Variants in MYO18B observed in about 807,000 individuals in gnomAD.
MYO18B encodes the protein myosin XVIIIB.
In MYO18B, 204 loss-of-function variants were observed where a neutral mutation model predicts 273.0. That is an observed-to-expected ratio of 0.75 (90% CI 0.67 to 0.84). The LOEUF (loss-of-function observed/expected upper bound fraction) is 0.84. Ranked by LOEUF, MYO18B falls within the 40% of genes least tolerant of loss-of-function variation. The pLI, the probability that MYO18B is intolerant of heterozygous loss-of-function variation, is 0.00. For synonymous variants in MYO18B, 1,330 were observed against 1,305.7 expected, an observed-to-expected ratio of 1.02 and a Z score of -0.40; for missense variants, 3,212 against 3,287.6, an observed-to-expected ratio of 0.98 and a Z score of 0.56.
chr22:25,770,751 G>C lies in MYO18B; in HGVS notation c.1580-121G>C, dbSNP rs960572860. ...GACCCCAAATGGAGACCTGTCCCAA[G>C]CCTTCTCCCAAGCTTGCTGGCCCGG... is the stretch of plus-strand genomic sequence containing the variant. On this transcript the variant is annotated intron_variant, in intron 5 of 43. Coordinates refer to ENST00000335473, the MANE Select transcript of MYO18B (RefSeq NM_032608.7). 1.2e-5 allele frequency: 8 copies of C among 689,768 alleles called. No individual in the cohort carries two copies. The African/African-American group carries it at 1.2e-4, about 11-fold the overall frequency. The allele number at this position is 689,768 out of a possible 1,614,324, so 42.7% of individuals were successfully genotyped here.
chr22:26,060,729 T>C, the MYO18B span, among the ~76,000 whole-genome samples: 6 of 151,892 alleles, frequency 4.0e-5, no homozygotes, highest in Admixed American at 1.3e-4. Flanking sequence ...CATATACACA[T>C]GCACACATAT....
intron 40 of MYO18B, among the ~76,000 whole-genome samples, chr22:25,998,622 G>A (rs569378355): frequency 1.3e-5 from 2 of 152,332 alleles, no homozygotes; most frequent in East Asian, 3.9e-4. Flanking sequence ...CTGAGGGCAC[G>A]CTTCTGAGTT....
chr22:26,015,342 A>G (rs771692986), intron 42 of MYO18B, among the ~76,000 whole-genome samples: 2 of 152,234 alleles, frequency 1.3e-5, no homozygotes, highest in Middle Eastern at 3.2e-3. Context: ...GTAAAGACAC[A>G]TGCATATATA....
chr22:25,934,547 C>G (rs1255127031), intron 34 of MYO18B, among the ~76,000 whole-genome samples: 1 of 152,084 alleles, frequency 6.6e-6, no homozygotes, highest in South Asian at 2.1e-4. Context: ...TCAGGAAGTC[C>G]TGACGAAGTG....
intron 13 of MYO18B, among the ~76,000 whole-genome samples, chr22:25,824,486 A>G (rs1163577549): frequency 6.6e-6 from 1 of 152,084 alleles, no homozygotes; most frequent in African/African-American, 2.4e-5. Flanking sequence ...ACTTGCAAGG[A>G]TGTGATCTGC....
At chr22:26,032,788 G>A (rs2147046928), downstream of MYO18B, among the ~76,000 whole-genome samples, 1 of 152,222 alleles carries the variant, frequency 6.6e-6, no homozygotes, top group African/African-American at 2.4e-5. Context: ...CTCCCAAAGT[G>A]CTGGGATTTT....
In MYO18B at chr22:25,763,407, A is replaced by C. The variant is rs1205744602; in HGVS notation, c.198+18A>C. On this transcript the variant is annotated intron_variant, in intron 3 of 43. Transcript: ENST00000335473. ...AACGAGAGGTAAGTGGTTCCTAAGA[A>C]GGAGGACCGTATGCGTTTCCATACC... The C allele has an allele frequency of 5.6e-6, 9 of 1,601,674 alleles. No homozygotes were observed. The African/African-American group carries it at 1.2e-4, about 22-fold the overall frequency.
chr22:25,868,209 T>C lies in MYO18B; in HGVS notation c.3886-111T>C, dbSNP rs187066420. 1.2e-3 allele frequency: 1,044 copies of C among 866,930 alleles called. 7 individuals are homozygous for C. The African/African-American group carries it at 0.016, about 13-fold the overall frequency. The allele number at this position is 866,930 out of a possible 1,614,324, so 53.7% of individuals were successfully genotyped here. On this transcript the variant is annotated intron_variant, in intron 21 of 43. Transcript: ENST00000335473. Reference sequence around the variant, plus strand: ...CTCTGTTAGCCAAAGCTCACAGACATGTGGGGTCATCCTCCGTCCTGGCGC... The same window carrying C: ...CTCTGTTAGCCAAAGCTCACAGACACGTGGGGTCATCCTCCGTCCTGGCGC...
At chr22:25,762,482 G>A (rs1446102676) in intron 2 of MYO18B, among the ~76,000 whole-genome samples, 7 of 152,254 alleles carry the variant, frequency 4.6e-5, no homozygotes, top group Admixed American at 3.9e-4. Flanking sequence ...GGCCACAGCC[G>A]GTCTCATGCC....
intron 40 of MYO18B, among the ~76,000 whole-genome samples, chr22:25,995,882 G>A (rs12170564): frequency 0.01 from 1,548 of 152,238 alleles, 26 homozygotes; most frequent in African/African-American, 0.035. Flanking sequence ...TTTTTCCCTT[G>A]ACTGGATCTC....
At chr22:25,787,744 G>A (rs924079716) in intron 11 of MYO18B, among the ~76,000 whole-genome samples, 6 of 152,070 alleles carry the variant, frequency 3.9e-5, no homozygotes, top group Admixed American at 3.3e-4. Context: ...TACTAGGGGG[G>A]CAGCTTCTTT....
At chr22:25,762,402 A>T (rs1164990319) in intron 2 of MYO18B, among the ~76,000 whole-genome samples, 1 of 152,272 alleles carries the variant, frequency 6.6e-6, no homozygotes, top group African/African-American at 2.4e-5. Flanking sequence ...GCTCTTCCGT[A>T]TAAAGCACTG....
At chr22:25,973,482 T>C (rs2093057199) in intron 39 of MYO18B, among the ~76,000 whole-genome samples, 1 of 152,224 alleles carries the variant, frequency 6.6e-6, no homozygotes. Flanking sequence ...ACAAGTGAAG[T>C]GCCATAATTT....
chr22:25,917,348 CTT>C (rs1449287691), intron 33 of MYO18B, among the ~76,000 whole-genome samples: 1 of 151,996 alleles, frequency 6.6e-6, no homozygotes, highest in Non-Finnish European at 1.5e-5. Flanking sequence ...CATAGTTTCT[CTT>C]TATGTATTTT....
intron 34 of MYO18B, among the ~76,000 whole-genome samples, chr22:25,921,751 T>TGTGTATGC (rs2092348441): frequency 1.4e-5 from 2 of 148,110 alleles, no homozygotes. Flanking sequence ...TATGTGTATG[T>TGTGTATGC]GTGTATGCGT....
intron 42 of MYO18B, among the ~76,000 whole-genome samples, chr22:26,019,208 C>A (rs185510467): frequency 3.3e-4 from 50 of 152,334 alleles, no homozygotes; most frequent in Non-Finnish European, 1.2e-4. Flanking sequence ...AGTCTCAGCT[C>A]TGCTCCTTCT....
intron 34 of MYO18B, among the ~76,000 whole-genome samples, chr22:25,922,621 C>T (rs913178544): frequency 2.0e-5 from 3 of 152,190 alleles, no homozygotes; most frequent in Non-Finnish European, 4.4e-5. Context: ...TGGAGGGTTA[C>T]TGTCCCTTCC....
intron 33 of MYO18B, among the ~76,000 whole-genome samples, chr22:25,916,310 G>A (rs763491): frequency 0.028 from 4,207 of 152,034 alleles, 191 homozygotes; most frequent in African/African-American, 0.095. Flanking sequence ...TCTTTGTTGT[G>A]TATTTAATAG....
At chr22:26,058,080 G>A in the MYO18B span, among the ~76,000 whole-genome samples, 14 of 152,146 alleles carry the variant, frequency 9.2e-5, no homozygotes, top group Non-Finnish European at 1.8e-4. Context: ...CACTGTTCAA[G>A]GTCCTCAAGA....
Sources: gnomAD v4.1 joint callset for allele counts (sites outside exome capture counted in the v4.1 genomes callset) on GRCh38, gnomAD v4.1.1 for gene constraint, MANE v1.5 for transcripts, NCBI Gene and HGNC (gene_info 2026-07-23, HGNC 2026-07-21) for gene names.